IL1RAPL2: variants seen among roughly 807,000 people sequenced by gnomAD.
IL1RAPL2 encodes the protein X-linked interleukin-1 receptor accessory protein-like 2.
IL1RAPL2 carries 3 observed loss-of-function variants against 44.1 expected under a neutral mutation model. The observed-to-expected ratio is 0.07, with a 90% CI of 0.03 to 0.18. The LOEUF (loss-of-function observed/expected upper bound fraction) is 0.18. Among genes scored for constraint, IL1RAPL2 ranks in the 10% least tolerant of loss-of-function variants. The pLI is 1.00. For synonymous variants in IL1RAPL2, 181 were observed against 178.8 expected (o/e 1.01, Z -0.10); for missense variants, 391 against 496.4 (o/e 0.79, Z 2.02).
At chrX:105,533,432 C>T (rs1286253566) in intron 6 of IL1RAPL2, among the ~76,000 whole-genome samples, 3 of 111,497 alleles carry the variant, frequency 2.7e-5, no homozygotes, top group African/African-American at 9.8e-5. Context: ...TGGAACAATC[C>T]GCAGAATTAT....
chrX:105,497,612 A>C (rs1256861316), intron 6 of IL1RAPL2, among the ~76,000 whole-genome samples: 1 of 111,877 alleles, frequency 8.9e-6, no homozygotes, highest in Non-Finnish European at 1.9e-5. Flanking sequence ...CCAGACAAAG[A>C]CACTAAAAGA....
At chrX:105,447,600 T>C (rs1321694066) in intron 5 of IL1RAPL2, among the ~76,000 whole-genome samples, 2 of 73,065 alleles carry the variant, frequency 2.7e-5, no homozygotes, top group Non-Finnish European at 4.8e-5. Context: ...TAAATATAAA[T>C]AAATATAAAT....
At chrX:105,761,220 TACACACACACAC>T (rs113089380) in intron 10 of IL1RAPL2, among the ~76,000 whole-genome samples, 107 of 84,127 alleles carry the variant, frequency 1.3e-3, no homozygotes, top group African/African-American at 2.2e-3. Context: ...ACTCTTCCTA[TACACACACACAC>T]ACACACACAC....
At chrX:105,718,603 A>G (rs2038276370) in intron 7 of IL1RAPL2, among the ~76,000 whole-genome samples, 2 of 111,511 alleles carry the variant, frequency 1.8e-5, no homozygotes, top group South Asian at 3.8e-4. Context: ...ACTAGGATGC[A>G]CTAGGATGGC....
chrX:104,753,903 G>A (rs1326592620), intron 2 of IL1RAPL2, among the ~76,000 whole-genome samples: 2 of 111,631 alleles, frequency 1.8e-5, no homozygotes, highest in Non-Finnish European at 3.8e-5. Flanking sequence ...TCAATTCTAT[G>A]ACTTAACATT....
chrX:105,598,670 G>A (rs1051263248), intron 6 of IL1RAPL2, among the ~76,000 whole-genome samples: 11 of 111,421 alleles, frequency 9.9e-5, no homozygotes, highest in South Asian at 3.8e-4. Context: ...ATTTTCTCAA[G>A]TTCTTCTCTC....
rs747491911 is a variant in IL1RAPL2, at chrX:104,874,279, C to CCTCTCCCTCTCTCTCTCTCT, written c.82+215289_82+215290insCCTCTCTCTCTCTCTCTCTC. On this transcript the variant is annotated intron_variant, in intron 2 of 10. Transcript: ENST00000372582. The stretch of plus-strand genomic sequence containing the variant: ...TTGATTATTTTTAACTGTCTGTATT[C>CCTCTCCCTCTCTCTCTCTCT]CTCTCTCTCTCTCTCTCTCTCTCTC... Among the ~76,000 whole-genome samples, 244 of 76,306 alleles carry CCTCTCCCTCTCTCTCTCTCT rather than the reference C, an allele frequency of 3.2e-3. 3 individuals carry two copies. The highest frequency in any genetic ancestry group is 5.7e-3 in the Non-Finnish European group (225 of 39,460). The allele number at this position is 76,306 out of a possible 115,157, so 66.3% of individuals were successfully genotyped here.
chrX:104,817,700 C>A (rs763065918), intron 2 of IL1RAPL2, among the ~76,000 whole-genome samples: 3 of 111,711 alleles, frequency 2.7e-5, no homozygotes, highest in Non-Finnish European at 5.6e-5. Flanking sequence ...ATTTTCTTAT[C>A]TATAAAATGG....
intron 2 of IL1RAPL2, among the ~76,000 whole-genome samples, chrX:104,800,644 C>T (rs1422339597): frequency 1.8e-5 from 2 of 112,616 alleles, no homozygotes; most frequent in South Asian, 7.3e-4. Context: ...AGTACATTTT[C>T]ATCAACAGAT....
intron 5 of IL1RAPL2, among the ~76,000 whole-genome samples, chrX:105,422,683 A>C (rs1214001622): frequency 8.9e-6 from 1 of 111,890 alleles, no homozygotes; most frequent in Non-Finnish European, 1.9e-5. Context: ...AAAACAGAAC[A>C]AAGGATCAGC....
chrX:104,791,392 G>A (rs187340626), intron 2 of IL1RAPL2, among the ~76,000 whole-genome samples: 80 of 111,508 alleles, frequency 7.2e-4, no homozygotes, highest in African/African-American at 2.5e-3. Context: ...CATTATTTTC[G>A]TTCCTAAATG....
intron 2 of IL1RAPL2, among the ~76,000 whole-genome samples, chrX:105,103,359 C>T (rs760551778): frequency 5.4e-5 from 6 of 111,716 alleles, no homozygotes; most frequent in Non-Finnish European, 1.1e-4. Context: ...GCTCTGGTTT[C>T]CCATCTGTGA....
intron 1 of IL1RAPL2, among the ~76,000 whole-genome samples, chrX:104,629,641 C>T (rs958684650): frequency 9.0e-6 from 1 of 111,436 alleles, no homozygotes; most frequent in African/African-American, 3.3e-5. Context: ...CTGTTTTATT[C>T]CAGTAGTTTT....
intron 2 of IL1RAPL2, among the ~76,000 whole-genome samples, chrX:104,728,684 A>T (rs1284712120): frequency 9.0e-6 from 1 of 111,361 alleles, no homozygotes; most frequent in Non-Finnish European, 1.9e-5. Context: ...ATAAGCTGCC[A>T]CATACCTGCA....
intron 2 of IL1RAPL2, among the ~76,000 whole-genome samples, chrX:104,799,355 T>C (rs761997536): frequency 8.9e-6 from 1 of 111,848 alleles, no homozygotes; most frequent in Non-Finnish European, 1.9e-5. Context: ...TTGATGGTTC[T>C]CCAATGAGCA....
intron 2 of IL1RAPL2, among the ~76,000 whole-genome samples, chrX:105,057,585 A>G (rs907236831): frequency 9.0e-6 from 1 of 110,635 alleles, no homozygotes; most frequent in African/African-American, 3.3e-5. Flanking sequence ...TAATCTAGCT[A>G]CCTCCATCTA....
At chrX:104,628,613 A>G (rs1006960573) in intron 1 of IL1RAPL2, among the ~76,000 whole-genome samples, 1 of 112,045 alleles carries the variant, frequency 8.9e-6, no homozygotes, top group African/African-American at 3.2e-5. Context: ...AGGTCCAGGT[A>G]TCTATTTAGT....
At chrX:105,155,691 G>A (rs1272706059) in intron 2 of IL1RAPL2, among the ~76,000 whole-genome samples, 4 of 111,204 alleles carry the variant, frequency 3.6e-5, no homozygotes, top group African/African-American at 9.8e-5. Flanking sequence ...ATAGGGTTCA[G>A]ATGTGAGTTA....
chrX:105,174,279 C>G (rs1309517758), intron 2 of IL1RAPL2, among the ~76,000 whole-genome samples: 1 of 111,933 alleles, frequency 8.9e-6, no homozygotes, highest in Non-Finnish European at 1.9e-5. Flanking sequence ...TGAAGACTCA[C>G]TCCATTCTCT....
Sources: allele counts gnomAD v4.1 joint callset (sites outside exome capture counted in the v4.1 genomes callset), GRCh38; gene constraint gnomAD v4.1.1; transcripts MANE v1.5; gene names NCBI Gene and HGNC (gene_info 2026-07-23, HGNC 2026-07-21).